MAP4: variants seen among roughly 807,000 people sequenced by gnomAD.
MAP4 encodes the protein microtubule-associated protein 4.
A neutral mutation model predicts 170.2 loss-of-function variants in MAP4; 76 were observed. The observed-to-expected ratio is 0.45, with a 90% confidence interval of 0.37 to 0.54. The LOEUF (loss-of-function observed/expected upper bound fraction) is 0.54. Ranked by LOEUF, MAP4 falls within the 20% of genes least tolerant of loss-of-function variation. The pLI is 0.00. For synonymous variants in MAP4, 909 were observed against 994.5 expected (o/e 0.91, Z 1.62); for missense variants, 2,506 against 2,748.0 (o/e 0.91, Z 1.97).
intron 17 of MAP4, among the ~76,000 whole-genome samples, chr3:47,858,324 C>T (rs2059936632): frequency 6.6e-6 from 1 of 152,062 alleles, no homozygotes; most frequent in Non-Finnish European, 1.5e-5. Flanking sequence ...CCAGCCTTCA[C>T]TTCTAACCCC....
intron 2 of MAP4, among the ~76,000 whole-genome samples, chr3:47,982,365 T>C (rs984033966): frequency 6.6e-6 from 1 of 152,172 alleles, no homozygotes; most frequent in Non-Finnish European, 1.5e-5. Context: ...CTGAGACATG[T>C]TATGGAAATA....
chr3:48,035,755 C>T (rs966448438), intron 1 of MAP4, among the ~76,000 whole-genome samples: 2 of 152,078 alleles, frequency 1.3e-5, no homozygotes, highest in Non-Finnish European at 2.9e-5. Flanking sequence ...GCCTGGCCAA[C>T]ATGATGAAAC....
intron 1 of MAP4, among the ~76,000 whole-genome samples, chr3:48,052,613 T>A (rs547920391): frequency 4.6e-5 from 7 of 152,366 alleles, no homozygotes; most frequent in Non-Finnish European, 7.3e-5. Context: ...TTTAAGTGGC[T>A]GAACTGTATG....
At chr3:47,906,450 G>A (rs902244240) in intron 9 of MAP4, among the ~76,000 whole-genome samples, 1 of 152,130 alleles carries the variant, frequency 6.6e-6, no homozygotes, top group African/African-American at 2.4e-5. Context: ...TGGGGAGGCT[G>A]AGGCAGACAG....
chr3:47,858,454 G>C (rs1040259969), intron 17 of MAP4, among the ~76,000 whole-genome samples: 1 of 152,046 alleles, frequency 6.6e-6, no homozygotes, highest in Non-Finnish European at 1.5e-5. Context: ...CCAGCACCAA[G>C]GCTCCCATGA....
At chr3:47,859,180 G>A (rs1428382758) in intron 17 of MAP4, among the ~76,000 whole-genome samples, 1 of 152,112 alleles carries the variant, frequency 6.6e-6, no homozygotes, top group African/African-American at 2.4e-5. Context: ...TGCCCTCTGG[G>A]TTGCTGGATG....
chr3:47,948,917 G>A (rs547216136), intron 3 of MAP4, among the ~76,000 whole-genome samples: 21 of 152,066 alleles, frequency 1.4e-4, no homozygotes, highest in South Asian at 1.2e-3. Flanking sequence ...CACTGCGCCC[G>A]GCCGATCAAT....
Position 47,871,036 on chromosome 3 carries a change from G to A in MAP4, c.6071C>T (p.Ala2024Val), listed in dbSNP as rs1042414808. ...MKKTTTLSGT[A>V]PAAGVVPSRV... ...GCTGGGAACCACCCCTGCAGCGGGG[G>A]CTGTCCCACTGAGAGTGGTGGTTTT... Residue 2024 changes from alanine to valine, a missense_variant, in exon 15 of 21, where the codon GCC becomes GTC. Ala to Val is a moderately conservative substitution (Grantham distance 64). This residue lies in a region of MAP4 where 487 missense variants were observed against 511.6 expected (regional missense o/e 0.95). Transcript: ENST00000683076. 1.2e-6 allele frequency: 2 copies of A among 1,613,822 alleles called. No homozygotes were observed. The highest frequency in any genetic ancestry group is 2.7e-5 in the African/African-American group (2 of 74,930).
intron 10 of MAP4, among the ~76,000 whole-genome samples, chr3:47,888,862 A>T (rs923532506): frequency 6.6e-6 from 1 of 152,210 alleles, no homozygotes; most frequent in Non-Finnish European, 1.5e-5. Context: ...AGGTGAATGA[A>T]GCGGGTGGGT....
At position 47,909,466 on chromosome 3, in the gene MAP4, A is replaced by T; in HGVS notation, c.4955T>A (p.Leu1652Ter). 1 of 1,613,822 alleles carries T rather than the reference A, an allele frequency of 6.2e-7. No individual in the cohort carries two copies. The highest frequency in any genetic ancestry group is 8.5e-7 in the Non-Finnish European group (1 of 1,179,864). The change falls in exon 9 of 21, where the codon TTG becomes TAG. Residue 1652 changes from leucine (L) to a stop codon, truncating the protein, a stop_gained. Coordinates refer to ENST00000683076, the MANE Select transcript of MAP4 (RefSeq NM_001385682.1). LOFTEE classifies it high-confidence loss of function. ...AAGAGTCAGATCTACCTTCTTATTC[A>T]AACTATCTGAACCTTTGGAATTTCT... ...QDRNSKGSDSLNKKVDLTLLS... is the reference protein window; with the variant it reads ...QDRNSKGSDS
At chr3:47,878,375 C>T (rs1015811751) in intron 10 of MAP4, among the ~76,000 whole-genome samples, 1 of 152,130 alleles carries the variant, frequency 6.6e-6, no homozygotes, top group Non-Finnish European at 1.5e-5. Flanking sequence ...AGAGCTTATT[C>T]TATAAATTAC....
Position 47,998,762 on chromosome 3 carries a change from G to A in MAP4, c.99C>T (p.Ala33=). ...CAGTTTCTCCCACAACATCATCAAAGGCCTCTGCCTCTAGTGTGGCAATGA... is the reference window on the plus strand; with the variant it reads ...CAGTTTCTCCCACAACATCATCAAAAGCCTCTGCCTCTAGTGTGGCAATGA... ...RDFIATLEAE[A]FDDVVGETVG... is the part of the protein sequence containing the mutation. Residue 33 remains alanine (A), a synonymous_variant, in exon 2 of 21, where the codon GCC becomes GCT. Coordinates refer to ENST00000683076, the MANE Select transcript of MAP4 (RefSeq NM_001385682.1). The A allele has an allele frequency of 6.2e-7, 1 of 1,613,974 alleles. No individual in the cohort carries two copies. The highest frequency in any genetic ancestry group is 1.1e-5 in the South Asian group (1 of 91,084).
At chr3:47,903,167 CG>C (rs2100031035) in intron 9 of MAP4, among the ~76,000 whole-genome samples, 167 bp from the exon 10 acceptor site, 1 of 152,102 alleles carries the variant, frequency 6.6e-6, no homozygotes, top group African/African-American at 2.4e-5. Context: ...TAACATGGAG[CG>C]GGTATTGGAA....
chr3:47,916,642 G>T lies in MAP4; in HGVS notation c.1185C>A (p.Asp395Glu), dbSNP rs1332356062. The T allele has an allele frequency of 3.1e-6, 5 of 1,614,180 alleles. No homozygotes were observed. The highest frequency in any genetic ancestry group is 3.4e-6 in the Non-Finnish European group (4 of 1,180,020). Residue 395 changes from aspartate (D) to glutamate (E), a missense_variant, in exon 7 of 21, where the codon GAC (aspartate) becomes GAA (glutamate). Physicochemically the swap from Asp to Glu is conservative, Grantham distance 45. Coordinates refer to ENST00000683076, the MANE Select transcript of MAP4 (RefSeq NM_001385682.1). ...TCTTGTTTTCTTTGGGTGGTCCCAT[G>T]TCCTTGGAAGGAGCCAAGTCCATTT... is the stretch of plus-strand genomic sequence containing the variant. ...PIKMDLAPSK[D>E]MGPPKENKIV...
chr3:48,087,737 ACGCACG>A (rs757730019), intron 1 of MAP4, among the ~76,000 whole-genome samples: 4 of 91,712 alleles, frequency 4.4e-5, no homozygotes, highest in African/African-American at 9.8e-5. Context: ...GCGCACACAC[ACGCACG>A]CGCACACACA....
At chr3:47,920,007 G>A (rs1030124505) in intron 5 of MAP4, among the ~76,000 whole-genome samples, 2 of 151,880 alleles carry the variant, frequency 1.3e-5, no homozygotes, top group Non-Finnish European at 2.9e-5. Context: ...ATTCTTGCTC[G>A]TTGCCCAGGC....
intron 2 of MAP4, among the ~76,000 whole-genome samples, chr3:47,990,250 G>T (rs1482657368): frequency 1.3e-5 from 2 of 152,160 alleles, no homozygotes; most frequent in Non-Finnish European, 2.9e-5. Context: ...CTTTTCCATG[G>T]ATTAGTGTTT....
At chr3:48,041,720 A>G (rs747094683) in intron 1 of MAP4, among the ~76,000 whole-genome samples, 49 of 152,212 alleles carry the variant, frequency 3.2e-4, no homozygotes, top group Non-Finnish European at 5.7e-4. Flanking sequence ...AAAAAAATAC[A>G]TGAAAATCAC....
intron 2 of MAP4, among the ~76,000 whole-genome samples, chr3:47,990,808 G>A (rs555626829): frequency 3.6e-4 from 54 of 148,308 alleles, no homozygotes; most frequent in Non-Finnish European, 6.1e-4. Flanking sequence ...CATTTTTTAA[G>A]GAAAAAAGTC....
Sources: allele counts gnomAD v4.1 joint callset (sites outside exome capture counted in the v4.1 genomes callset), GRCh38; gene constraint gnomAD v4.1.1; regional missense constraint gnomAD v4.1.1; transcripts MANE v1.5; gene names NCBI Gene and HGNC (gene_info 2026-07-23, HGNC 2026-07-21).